CLIC5: variants seen among roughly 807,000 people sequenced by gnomAD.
CLIC5 encodes CLIC family member 5, also known as chloride intracellular channel protein 5.
CLIC5 carries 20 observed loss-of-function variants against 24.7 expected under a neutral mutation model. The ratio of observed to expected loss-of-function variants is 0.81; its 90% confidence interval spans 0.57 to 1.18. CLIC5 has a LOEUF of 1.18. Among genes scored for constraint, CLIC5 ranks in the 50% most tolerant of loss-of-function variants. The pLI is 0.00. For missense variants in CLIC5, 341 were observed against 326.1 expected (o/e 1.05, Z -0.35); for synonymous variants, 159 against 135.6 (o/e 1.17, Z -1.20).
At chr6:45,985,100 G>C (rs911535275) in intron 1 of CLIC5, among the ~76,000 whole-genome samples, 1 of 152,182 alleles carries the variant, frequency 6.6e-6, no homozygotes, top group Non-Finnish European at 1.5e-5. Context: ...GCCTGGAAAG[G>C]CCTTCTAGAA....
rs1765566322 is a variant in CLIC5 at position 45,981,461 on chromosome 6, T to C, written c.64-26217A>G. 2.0e-5 allele frequency among the ~76,000 whole-genome samples: 3 copies of C among 152,152 alleles called. No homozygotes were observed. In the South Asian group the frequency reaches 6.2e-4, roughly 32 times the overall value. The stretch of plus-strand genomic sequence containing the variant: ...AAATATACCTCAAAAAGTAATGTGG[T>C]TTCTCAAGGCTTGTGCTTTGCAGTG... On this transcript the variant is annotated intron_variant, in intron 1 of 5. Coordinates refer to ENST00000339561, the MANE Select transcript of CLIC5 (RefSeq NM_016929.5).
intron 1 of CLIC5, among the ~76,000 whole-genome samples, chr6:46,075,368 G>T (rs1762737090): frequency 1.3e-5 from 2 of 152,064 alleles, no homozygotes; most frequent in Non-Finnish European, 2.9e-5. Flanking sequence ...AGGAGTTTAA[G>T]AACAGCCCTG....
chr6:46,121,370 C>G, the CLIC5 span, among the ~76,000 whole-genome samples: 1 of 152,114 alleles, frequency 6.6e-6, no homozygotes, highest in Admixed American at 6.5e-5. Context: ...CCTTTACAGA[C>G]AAGCAAATGC....
chr6:46,008,616 A>G (rs999038471), intron 1 of CLIC5, among the ~76,000 whole-genome samples: 9 of 151,616 alleles, frequency 5.9e-5, no homozygotes, highest in Non-Finnish European at 1.0e-4. Context: ...TCATATATTG[A>G]TTGATTGATT....
intron 4 of CLIC5, among the ~76,000 whole-genome samples, chr6:45,935,458 G>A (rs1412047632): frequency 6.6e-6 from 1 of 152,228 alleles, no homozygotes; most frequent in East Asian, 1.9e-4. Flanking sequence ...CAGGGATGCT[G>A]CAGGATGTGC....
chr6:46,102,484 T>C, the CLIC5 span: 3 of 152,216 alleles, frequency 2.0e-5, no homozygotes, highest in African/African-American at 7.2e-5. Context: ...TAGAGTAATA[T>C]TCTAAGATTT....
At chr6:45,897,788 A>G (rs907451148), downstream of CLIC5, among the ~76,000 whole-genome samples, 1 of 152,102 alleles carries the variant, frequency 6.6e-6, no homozygotes. Flanking sequence ...ACTGAGAGCC[A>G]ACAGAGAGCT....
intron 1 of CLIC5, among the ~76,000 whole-genome samples, chr6:45,983,425 A>G (rs918065869): frequency 1.6e-4 from 25 of 152,224 alleles, no homozygotes; most frequent in Non-Finnish European, 3.5e-4. Flanking sequence ...CAGGACAGGA[A>G]GAGGAATGCT....
At chr6:46,052,467 G>A (rs1768130566) in intron 1 of CLIC5, among the ~76,000 whole-genome samples, 1 of 152,234 alleles carries the variant, frequency 6.6e-6, no homozygotes, top group Non-Finnish European at 1.5e-5. Context: ...TTCTGGAAGA[G>A]AGAAGATAGG....
At chr6:46,079,673 C>T (rs1280915294) in intron 1 of CLIC5, 3 of 1,513,472 alleles carry the variant, frequency 2.0e-6, no homozygotes, top group Non-Finnish European at 2.7e-6. Flanking sequence ...TCTGCATGAA[C>T]AGGGTATGCC....
chr6:46,047,610 C>T (rs1322186626), intron 1 of CLIC5, among the ~76,000 whole-genome samples: 1 of 152,104 alleles, frequency 6.6e-6, no homozygotes, highest in African/African-American at 2.4e-5. Flanking sequence ...ACAAATGCAC[C>T]ATATATTTTT....
At chr6:46,098,382 GA>G in the CLIC5 span, among the ~76,000 whole-genome samples, 7 of 152,160 alleles carry the variant, frequency 4.6e-5, no homozygotes, top group African/African-American at 1.2e-4. Flanking sequence ...AAATTGAAGT[GA>G]AAATGCTACT....
intron 1 of CLIC5, among the ~76,000 whole-genome samples, chr6:46,063,165 T>G (rs898910454): frequency 6.6e-6 from 1 of 152,196 alleles, no homozygotes; most frequent in African/African-American, 2.4e-5. Context: ...ACTTTAATGA[T>G]TATTATCACT....
At chr6:46,017,717 G>A (rs184205332), upstream of CLIC5, among the ~76,000 whole-genome samples, 12 of 152,342 alleles carry the variant, frequency 7.9e-5, no homozygotes, top group Middle Eastern at 3.4e-3. Context: ...AAGCTGTCAC[G>A]TAAAGATACT....
rs1043819741 is a variant in CLIC5, at chr6:46,051,175, G to A, written c.540+28528C>T. 2.6e-5 allele frequency among the ~76,000 whole-genome samples: 4 copies of A among 152,250 alleles called. No homozygotes were observed. In the South Asian group the frequency reaches 8.3e-4, roughly 32 times the overall value. ...ACTCTTTCCTCTCTTGCACTTGTAA[G>A]CTCCTTCAGGATAGAAATTGAGGCT... On this transcript the variant is annotated intron_variant, in intron 1 of 5. Transcript: ENST00000185206.
At chr6:46,032,135 G>C (rs1160716111) in intron 1 of CLIC5, among the ~76,000 whole-genome samples, 1 of 152,120 alleles carries the variant, frequency 6.6e-6, no homozygotes, top group East Asian at 1.9e-4. Flanking sequence ...AAGCATGGCT[G>C]AGAAGGCCTC....
At chr6:45,919,437 C>A (rs952519610) in intron 4 of CLIC5, among the ~76,000 whole-genome samples, 1 of 152,212 alleles carries the variant, frequency 6.6e-6, no homozygotes, top group East Asian at 1.9e-4. Context: ...GGAAGGATAC[C>A]CAAGCAAAGC....
At chr6:46,019,834 A>G (rs1767126746), upstream of CLIC5, among the ~76,000 whole-genome samples, 1 of 151,410 alleles carries the variant, frequency 6.6e-6, no homozygotes, top group South Asian at 2.1e-4. Flanking sequence ...ATTACATAAT[A>G]ATAATAATAA....
the CLIC5 span, among the ~76,000 whole-genome samples, chr6:46,118,320 C>T: frequency 6.6e-6 from 1 of 152,160 alleles, no homozygotes; most frequent in Non-Finnish European, 1.5e-5. Context: ...CTCCCAGGGT[C>T]TAACACAGGG....
Sources: allele counts gnomAD v4.1 joint callset (sites outside exome capture counted in the v4.1 genomes callset), GRCh38; gene constraint gnomAD v4.1.1; transcripts MANE v1.5; gene names NCBI Gene and HGNC (gene_info 2026-07-23, HGNC 2026-07-21).